The following SLC1A3 variants were observed in gnomAD, a reference collection of about 807,000 sequenced individuals.
SLC1A3 encodes solute carrier family 1 member 3, also known as excitatory amino acid transporter 1.
A neutral mutation model predicts 48.1 loss-of-function variants in SLC1A3; 21 were observed. The observed-to-expected ratio is 0.44, with a 90% CI of 0.31 to 0.63. The LOEUF (loss-of-function observed/expected upper bound fraction) is 0.63, where lower values mean the gene tolerates loss of function less well. SLC1A3 is among the 20% of genes least tolerant of loss of function. The probability of loss-of-function intolerance (pLI) is 0.08; values close to 1 mark genes in which losing one functional copy is unlikely to be tolerated. For missense variants in SLC1A3, 546 were observed against 689.0 expected (o/e 0.79, Z 2.32); for synonymous variants, 239 against 251.4 (o/e 0.95, Z 0.47).
chr5:36,597,923 T>C (rs1738763767), intron 1 of SLC1A3, among the ~76,000 whole-genome samples: 1 of 152,214 alleles, frequency 6.6e-6, no homozygotes, highest in Non-Finnish European at 1.5e-5. Flanking sequence ...TTCATCTCTC[T>C]CATGAGGTCT....
chr5:36,614,484 GAGTA>G (rs1364014763), intron 2 of SLC1A3, among the ~76,000 whole-genome samples: 1 of 152,146 alleles, frequency 6.6e-6, no homozygotes, highest in Non-Finnish European at 1.5e-5. Flanking sequence ...GAAAGCCTCA[GAGTA>G]AGTGATACCA....
At chr5:36,613,030 A>C (rs990597572) in intron 2 of SLC1A3, 1 of 346,696 alleles carries the variant, frequency 2.9e-6, no homozygotes, top group African/African-American at 2.1e-5. Flanking sequence ...TAGGTGGCAG[A>C]GTGGCTGATG....
intron 3 of SLC1A3, among the ~76,000 whole-genome samples, chr5:36,647,343 T>A (rs1740878131): frequency 6.6e-6 from 1 of 152,188 alleles, no homozygotes; most frequent in Non-Finnish European, 1.5e-5. Context: ...ATGAAATAAT[T>A]TAATTATTTT....
In SLC1A3 at chr5:36,677,115, G is replaced by C. The variant is rs763017329; in HGVS notation, c.791G>C (p.Gly264Ala). 13 of 1,614,118 alleles carry C rather than the reference G, an allele frequency of 8.1e-6. No individual in the cohort carries two copies. The highest frequency in any genetic ancestry group is 1.1e-5 in the Non-Finnish European group (13 of 1,179,984). Reference protein sequence around the residue: ...GFVIGNMKEQGQALREFFDSL... With the variant: ...GFVIGNMKEQAQALREFFDSL... ...GTGATTGGAAACATGAAGGAACAGGGGCAGGCCCTGAGAGAGTTCTTTGAT... is the reference window on the plus strand; with the variant it reads ...GTGATTGGAAACATGAAGGAACAGGCGCAGGCCCTGAGAGAGTTCTTTGAT... The change falls in exon 6 of 10, where the codon GGG (glycine) becomes GCG (alanine). Residue 264 changes from glycine (G) to alanine (A), a missense_variant. Gly to Ala is a moderately conservative substitution (Grantham distance 60, BLOSUM62 0). This residue lies in a region of SLC1A3 where 348 missense variants were observed against 392.0 expected (regional missense o/e 0.89). Coordinates refer to ENST00000265113, the MANE Select transcript of SLC1A3 (RefSeq NM_004172.5).
intron 3 of SLC1A3, among the ~76,000 whole-genome samples, chr5:36,631,849 G>A (rs1392108881): frequency 2.6e-5 from 4 of 152,220 alleles, no homozygotes; most frequent in African/African-American, 9.6e-5. Context: ...CAGCTATAAT[G>A]GGAAGGGAGG....
In SLC1A3 at chr5:36,629,559, A is replaced by G. The variant is rs549983023; in HGVS notation, c.291A>G (p.Leu97=). 147 of 1,612,838 alleles carry G rather than the reference A, an allele frequency of 9.1e-5. 2 individuals are homozygous for G. The South Asian group carries it at 1.6e-3, about 17-fold the overall frequency. ...LLMRMLQMLV[L]PLIISSLVTG... ...TGAGGATGTTACAGATGCTGGTCTT[A>G]CCACTTATCATCTCCAGTCTTGTCA... is the stretch of plus-strand genomic sequence containing the variant. Residue 97 remains leucine (L), a synonymous_variant, in exon 3 of 10, where the codon TTA becomes TTG. Coordinates refer to ENST00000265113, the MANE Select transcript of SLC1A3 (RefSeq NM_004172.5).
chr5:36,661,993 A>G (rs1388692059), intron 3 of SLC1A3, among the ~76,000 whole-genome samples: 1 of 152,192 alleles, frequency 6.6e-6, no homozygotes, highest in African/African-American at 2.4e-5. Flanking sequence ...AAGAAACACA[A>G]TCCAAAGTAA....
At chr5:36,649,071 TG>T (rs1740950485) in intron 3 of SLC1A3, among the ~76,000 whole-genome samples, 1 of 152,146 alleles carries the variant, frequency 6.6e-6, no homozygotes, top group Non-Finnish European at 1.5e-5. Flanking sequence ...TGACGAGGCC[TG>T]GTGGCTCATG....
At position 36,624,677 on chromosome 5, in the gene SLC1A3, C is replaced by T. The variant is rs1332645174; in HGVS notation, c.182-4773C>T. ...CGTTGACACACGTCTTCATTAAATTCTTAATTAAATGTCCTTCTCACGTTA... is the reference window on the plus strand; with the variant it reads ...CGTTGACACACGTCTTCATTAAATTTTTAATTAAATGTCCTTCTCACGTTA... On this transcript the variant is annotated intron_variant, in intron 2 of 9. Transcript: ENST00000265113. 2.6e-5 allele frequency among the ~76,000 whole-genome samples: 4 copies of T among 152,210 alleles called. 1 individual carries two copies. Among genetic ancestry groups the T allele is most frequent in the African/African-American group, 4.8e-5 (2 of 41,440 alleles).
rs138722897 is a variant in SLC1A3 at position 36,632,017 on chromosome 5, T to G, written c.319+2430T>G. Among the ~76,000 whole-genome samples, 6 of 152,370 alleles carry G rather than the reference T, an allele frequency of 3.9e-5. No homozygotes were observed. In the East Asian group the frequency reaches 9.6e-4, roughly 24 times the overall value. On this transcript the variant is annotated intron_variant, in intron 3 of 9. Coordinates refer to ENST00000265113, the MANE Select transcript of SLC1A3 (RefSeq NM_004172.5). ...CTCCAGTGGCCACGTGGGTGATGCATGTACATGAAGCTGCCCTTTCAGGCT... is the reference window on the plus strand; with the variant it reads ...CTCCAGTGGCCACGTGGGTGATGCAGGTACATGAAGCTGCCCTTTCAGGCT...
At chr5:36,612,071 A>ACACACACACACACG (rs70976241) in intron 2 of SLC1A3, among the ~76,000 whole-genome samples, 4,950 of 148,058 alleles carry the variant, frequency 0.033, 103 homozygotes, top group Non-Finnish European at 0.053. Flanking sequence ...GCGCACGCGC[A>ACACACACACACACG]CACACACACA....
At chr5:36,600,935 A>G (rs940985219) in intron 1 of SLC1A3, among the ~76,000 whole-genome samples, 3 of 152,160 alleles carry the variant, frequency 2.0e-5, no homozygotes, top group African/African-American at 7.2e-5. Context: ...CCCAGTTTCC[A>G]CCGTTCACCC....
At chr5:36,606,258 A>C (rs1738935620), upstream of SLC1A3, 1 of 152,284 alleles carries the variant, frequency 6.6e-6, no homozygotes, top group Non-Finnish European at 1.5e-5. Flanking sequence ...CTTCCCTGAA[A>C]GGGAGGAAAC....
intron 4 of SLC1A3, among the ~76,000 whole-genome samples, chr5:36,672,007 G>T (rs889553020): frequency 6.6e-6 from 1 of 152,204 alleles, no homozygotes; most frequent in African/African-American, 2.4e-5. Context: ...CTTGAAGAAG[G>T]TTTGCCAAGG....
chr5:36,677,821 G>A (rs921137217), intron 6 of SLC1A3, among the ~76,000 whole-genome samples: 1 of 152,312 alleles, frequency 6.6e-6, no homozygotes, highest in East Asian at 1.9e-4. Flanking sequence ...AAACGGAGAG[G>A]CCCCCTAGGC....
intron 2 of SLC1A3, among the ~76,000 whole-genome samples, chr5:36,621,360 G>A: frequency 6.6e-6 from 1 of 152,192 alleles, no homozygotes; most frequent in Middle Eastern, 3.2e-3. Flanking sequence ...AGAGGGAGCA[G>A]AGTAGGAGAT....
intron 3 of SLC1A3, among the ~76,000 whole-genome samples, chr5:36,661,376 C>A (rs977485889): frequency 2.0e-5 from 3 of 152,232 alleles, no homozygotes; most frequent in Non-Finnish European, 4.4e-5. Flanking sequence ...CATGCCACTG[C>A]ACTCCAGCCT....
chr5:36,658,838 T>A (rs1741389517), intron 3 of SLC1A3, among the ~76,000 whole-genome samples: 1 of 152,212 alleles, frequency 6.6e-6, no homozygotes, highest in Non-Finnish European at 1.5e-5. Flanking sequence ...CTTCTTTGAC[T>A]TAAGACATCC....
intron 3 of SLC1A3, among the ~76,000 whole-genome samples, chr5:36,654,220 G>A (rs1407289750): frequency 6.6e-6 from 1 of 152,184 alleles, no homozygotes; most frequent in Non-Finnish European, 1.5e-5. Context: ...CCCTCCAGGG[G>A]CTGTTAGGAA....
Sources: gnomAD v4.1 joint callset for allele counts (sites outside exome capture counted in the v4.1 genomes callset) on GRCh38, gnomAD v4.1.1 for gene constraint, gnomAD v4.1.1 regional missense constraint, MANE v1.5 for transcripts, NCBI Gene and HGNC (gene_info 2026-07-23, HGNC 2026-07-21) for gene names.